PGCKA1: variants seen among roughly 807,000 people sequenced by gnomAD.
PGCKA1 encodes the protein PDCD10 and GCKIII kinases-associated protein 1.
chr4:37,550,900 A>C, the PGCKA1 span, among the ~76,000 whole-genome samples: 2 of 152,236 alleles, frequency 1.3e-5, no homozygotes, highest in Admixed American at 1.3e-4. Flanking sequence ...GACAATTTTT[A>C]GGTTCTAAAG....
At chr4:37,593,408 G>T in the PGCKA1 span, among the ~76,000 whole-genome samples, 14 of 152,200 alleles carry the variant, frequency 9.2e-5, 1 homozygote, top group South Asian at 1.7e-3. Context: ...AATCATTTTG[G>T]TTTCCTTCTC....
chr4:37,538,569 G>A, the PGCKA1 span, among the ~76,000 whole-genome samples: 1 of 152,184 alleles, frequency 6.6e-6, no homozygotes, highest in African/African-American at 2.4e-5. Flanking sequence ...TGATTCCCTG[G>A]AGTCTGTTAG....
chr4:37,465,127 A>G, the PGCKA1 span, among the ~76,000 whole-genome samples: 3 of 152,178 alleles, frequency 2.0e-5, no homozygotes, highest in Non-Finnish European at 4.4e-5. Context: ...TATTTAGTAT[A>G]TTCTCCATTC....
chr4:37,512,762 T>C, the PGCKA1 span, among the ~76,000 whole-genome samples: 2 of 152,056 alleles, frequency 1.3e-5, no homozygotes, highest in African/African-American at 4.8e-5. Flanking sequence ...CCAAAGGTGC[T>C]GATTTCTAAC....
At chr4:37,477,274 T>C in the PGCKA1 span, among the ~76,000 whole-genome samples, 2 of 152,182 alleles carry the variant, frequency 1.3e-5, no homozygotes, top group Non-Finnish European at 2.9e-5. Context: ...AACATCATTC[T>C]AAGGGAAAGA....
chr4:37,510,480 C>T, the PGCKA1 span, among the ~76,000 whole-genome samples: 1 of 152,074 alleles, frequency 6.6e-6, no homozygotes, highest in Admixed American at 6.5e-5. Flanking sequence ...ACCTTGGTGG[C>T]CCTGAATAAG....
At chr4:37,543,920 C>T in the PGCKA1 span, among the ~76,000 whole-genome samples, 1 of 152,060 alleles carries the variant, frequency 6.6e-6, no homozygotes, top group Admixed American at 6.5e-5. Context: ...TGGAGGCATT[C>T]TGGGATCTCC....
At chr4:37,546,293 C>A in the PGCKA1 span, among the ~76,000 whole-genome samples, 2 of 152,156 alleles carry the variant, frequency 1.3e-5, no homozygotes, top group Non-Finnish European at 2.9e-5. Flanking sequence ...GGCAGCCTGG[C>A]GCCAGGCCTA....
the PGCKA1 span, among the ~76,000 whole-genome samples, chr4:37,502,105 G>A: frequency 6.6e-6 from 1 of 152,192 alleles, no homozygotes; most frequent in Non-Finnish European, 1.5e-5. Context: ...AGGGAGACAA[G>A]GTGTGCTTGG....
At chr4:37,591,258 C>T in the PGCKA1 span, 1 of 361,752 alleles carries the variant, frequency 2.8e-6, no homozygotes. Context: ...CCCATATCCA[C>T]AGAAAATGCA....
At chr4:37,542,313 G>A in the PGCKA1 span, among the ~76,000 whole-genome samples, 1 of 152,220 alleles carries the variant, frequency 6.6e-6, no homozygotes, top group Admixed American at 6.5e-5. Flanking sequence ...ACCTGTGGGT[G>A]CTCAAACCGT....
the PGCKA1 span, among the ~76,000 whole-genome samples, chr4:37,525,639 A>G: frequency 6.6e-6 from 1 of 152,198 alleles, no homozygotes; most frequent in Admixed American, 6.5e-5. Flanking sequence ...TATATTCCCC[A>G]ATAGGATTCT....
the PGCKA1 span, among the ~76,000 whole-genome samples, chr4:37,467,091 C>T: frequency 9.7e-4 from 147 of 152,156 alleles, 2 homozygotes; most frequent in South Asian, 1.7e-3. Flanking sequence ...CAGTGAGACT[C>T]CATCTCAGAA....
At chr4:37,587,383 A>G in the PGCKA1 span, among the ~76,000 whole-genome samples, 3 of 151,946 alleles carry the variant, frequency 2.0e-5, no homozygotes, top group East Asian at 5.8e-4. Flanking sequence ...TTTGGGGGCC[A>G]TTTTTCAGCC....
chr4:37,463,474 G>A, the PGCKA1 span, among the ~76,000 whole-genome samples: 1 of 152,220 alleles, frequency 6.6e-6, no homozygotes, highest in Admixed American at 6.5e-5. Flanking sequence ...AGGAAGCCAA[G>A]TGTTCTAGGG....
At chr4:37,581,897 C>G in the PGCKA1 span, among the ~76,000 whole-genome samples, 1 of 152,172 alleles carries the variant, frequency 6.6e-6, no homozygotes, top group Non-Finnish European at 1.5e-5. The surrounding 1 kb of genome is among the most constrained non-coding windows in gnomAD (Gnocchi z 4.4). Flanking sequence ...GGTGGTGCGG[C>G]TTGCCAAAAC....
the PGCKA1 span, among the ~76,000 whole-genome samples, chr4:37,475,189 T>C: frequency 6.6e-6 from 1 of 152,184 alleles, no homozygotes; most frequent in Non-Finnish European, 1.5e-5. Flanking sequence ...TTGGAGGAAA[T>C]GCAACCACAA....
the PGCKA1 span, among the ~76,000 whole-genome samples, chr4:37,567,580 G>A: frequency 6.6e-6 from 1 of 152,200 alleles, no homozygotes; most frequent in African/African-American, 2.4e-5. Context: ...CCACTCTGCT[G>A]AACTGCTGGT....
the PGCKA1 span, among the ~76,000 whole-genome samples, chr4:37,561,501 G>T: frequency 6.6e-6 from 1 of 152,192 alleles, no homozygotes; most frequent in African/African-American, 2.4e-5. Context: ...AGGTCCTTGA[G>T]ATCAGGAGCA....
Sources: gnomAD v4.1 joint callset for allele counts (sites outside exome capture counted in the v4.1 genomes callset) on GRCh38, gnomAD v4.1.1 for gene constraint, Gnocchi (gnomAD v3.1) non-coding constraint, MANE v1.5 for transcripts, NCBI Gene and HGNC (gene_info 2026-07-23, HGNC 2026-07-21) for gene names.